ESX1: variants seen among roughly 807,000 people sequenced by gnomAD.
ESX1 encodes homeobox protein ESX1.
Under a neutral mutation model 13.2 loss-of-function variants are expected in ESX1, and 2 were observed. That is an observed-to-expected ratio of 0.15 (90% confidence interval 0.06 to 0.48). ESX1 has a LOEUF of 0.48. Among genes scored for constraint, ESX1 ranks in the 20% least tolerant of loss-of-function variants. The pLI, the probability that ESX1 is intolerant of heterozygous loss-of-function variation, is 0.97. For missense variants in ESX1, 307 were observed against 379.0 expected (o/e 0.81, Z 1.58); for synonymous variants, 157 against 163.1 (o/e 0.96, Z 0.29).
At chrX:104,251,990 A>T (rs1556394455) in intron 3 of ESX1, among the ~76,000 whole-genome samples, 1 of 112,039 alleles carries the variant, frequency 8.9e-6, no homozygotes. Context: ...ATTTTATTCA[A>T]ATTCTTCTTT....
rs1326426903 is a variant in ESX1 at position 104,254,873 on chromosome X, T to C, written c.-24A>G. 2 of 1,147,173 alleles carry C rather than the reference T, an allele frequency of 1.7e-6. No homozygotes were observed. Among genetic ancestry groups the C allele is most frequent in the African/African-American group, 3.6e-5 (2 of 56,158 alleles). 94.5% of individuals were successfully genotyped at this position (1,147,173 alleles called of 1,213,427 possible). On this transcript the variant is annotated 5_prime_UTR_variant, in exon 1 of 4. Transcript: ENST00000372588. ...ATGCTTCAAGCGCTGTCGATAAAGCTGTGCACTTCTGCAGACTCTGTGCGT... is the reference window on the plus strand; with the variant it reads ...ATGCTTCAAGCGCTGTCGATAAAGCCGTGCACTTCTGCAGACTCTGTGCGT...
chrX:104,254,438 A>C lies in ESX1; in HGVS notation c.222T>G (p.Arg74=). Reference sequence around the variant, plus strand: ...CCGGCTCGTGGCCGCCGCCACCCTCACGGTCTTGGTCGTCCGAGGGGACGG... The same window carrying C: ...CCGGCTCGTGGCCGCCGCCACCCTCCCGGTCTTGGTCGTCCGAGGGGACGG... ...EGSVPSDDQD[R]EGGGGHEPEQ... The change falls in exon 2 of 4, where the codon CGT becomes CGG. Residue 74 remains arginine (R), a synonymous_variant. Transcript: ENST00000372588. The C allele has an allele frequency of 1.7e-6, 2 of 1,211,057 alleles. No homozygotes were observed.
chrX:104,254,879 C>T lies in ESX1; in HGVS notation c.-30G>A. ...CAAGCGCTGTCGATAAAGCTGTGCA[C>T]TTCTGCAGACTCTGTGCGTGGTTCC... is the stretch of plus-strand genomic sequence containing the variant. On this transcript the variant is annotated 5_prime_UTR_variant, in exon 1 of 4. In the 5' UTR this introduces an upstream ATG that the reference lacks. Transcript: ENST00000372588. 2 of 1,117,962 alleles carry T rather than the reference C, an allele frequency of 1.8e-6. No individual in the cohort carries two copies. The highest frequency in any genetic ancestry group is 2.5e-6 in the Non-Finnish European group (2 of 811,191). 92.1% of individuals were successfully genotyped at this position (1,117,962 alleles called of 1,213,427 possible).
At position 104,254,796 on chromosome X, in the gene ESX1, T is replaced by A; in HGVS notation, c.54A>T (p.Ala18=). The A allele has an allele frequency of 8.3e-7, 1 of 1,211,167 alleles. No individual in the cohort carries two copies. Residue 18 remains alanine (A), a synonymous_variant, in exon 1 of 4, where the codon GCA becomes GCT. Transcript: ENST00000372588. ...TCACTTCCTCGATGTCCTCGCCGAC[T>A]GCCAGGCTGCGGTAGCCAATATCAC... The part of the protein sequence containing the change: ...THSDIGYRSL[A]VGEDIEEVND...
At position 104,254,349 on chromosome X, in the gene ESX1, A is replaced by G. The variant is rs1331659021; in HGVS notation, c.311T>C (p.Leu104Pro). 3.3e-6 allele frequency: 4 copies of G among 1,209,364 alleles called. No homozygotes were observed. The highest frequency in any genetic ancestry group is 4.5e-6 in the Non-Finnish European group (4 of 894,766). Residue 104 changes from leucine to proline, a missense_variant, in exon 2 of 4, where the codon CTC (leucine) becomes CCC (proline). This residue lies in a region of ESX1 where 152 missense variants were observed against 114.5 expected (regional missense o/e 1.33). Coordinates refer to ENST00000372588, the MANE Select transcript of ESX1 (RefSeq NM_153448.4). ...CTCCTCCTGCTCTTGCTTCAGCTCGAGCAGGGGCGGCTCCTCCTGCTGTTG... is the reference window on the plus strand; with the variant it reads ...CTCCTCCTGCTCTTGCTTCAGCTCGGGCAGGGGCGGCTCCTCCTGCTGTTG... ...PEQQQEEPPL[L>P]ELKQEQEEPP...
Position 104,250,838 on chromosome X carries a change from C to T in ESX1, c.611G>A (p.Arg204Lys). Residue 204 changes from arginine (R) to lysine (K), a missense_variant, in exon 4 of 4, where the codon AGA becomes AAA. Physicochemically the swap from Arg to Lys is conservative, Grantham distance 26. Around this residue, in one of 3 missense-constraint regions of ESX1, gnomAD observed 108 missense variants for 147.5 expected, o/e 0.73. Transcript: ENST00000372588. ...GGCCAGGTCAGCAGTAGCAGTGTTTCTCAACATTAGCACCCTCTGATTTCG... is the reference window on the plus strand; with the variant it reads ...GGCCAGGTCAGCAGTAGCAGTGTTTTTCAACATTAGCACCCTCTGATTTCG... ...WKRNQRVLML[R>K]NTATADLAHP... 1.7e-6 allele frequency: 2 copies of T among 1,211,580 alleles called. No homozygotes were observed.
rs782817824 is a variant in ESX1 at position 104,254,240 on chromosome X, G to A, written c.420C>T (p.Arg140=). ...AEGPQPPERK[R]RRRTAFTQFQ... The stretch of plus-strand genomic sequence containing the variant: ...ACTGCGTGAACGCGGTGCGGCGGCG[G>A]CGTTTCCTCTCTGGGGGCTGTGGTC... Residue 140 remains arginine (R), a synonymous_variant, in exon 2 of 4, where the codon CGC becomes CGT. Transcript: ENST00000372588. The A allele has an allele frequency of 8.2e-7, 1 of 1,212,145 alleles. No homozygotes were observed. Among genetic ancestry groups the A allele is most frequent in the South Asian group, 1.8e-5 (1 of 57,044 alleles).
rs1556395166 is a variant in ESX1 at position 104,254,180 on chromosome X, T to C, written c.480A>G (p.Glu160=). The part of the protein sequence containing the change: ...QLQELENFFD[E]SQYPDVVARE... The stretch of plus-strand genomic sequence containing the variant: ...GCGCCACAACGTCGGGATATTGAGA[T>C]TCATCGAAAAAGTTCTCTAGCTCCT... Residue 160 remains glutamate, a synonymous_variant, in exon 2 of 4, where the codon GAA becomes GAG. Transcript: ENST00000372588. 2.5e-6 allele frequency: 3 copies of C among 1,206,067 alleles called. No individual in the cohort carries two copies. The highest frequency in any genetic ancestry group is 3.4e-6 in the Non-Finnish European group (3 of 892,548).
intron 3 of ESX1, among the ~76,000 whole-genome samples, chrX:104,251,579 C>T (rs1466763542): frequency 8.9e-6 from 1 of 112,070 alleles, no homozygotes; most frequent in Non-Finnish European, 1.9e-5. Context: ...CTAATAAGCC[C>T]ATTCTAACTT....
intron 3 of ESX1, 143 bp from the exon 4 acceptor site, chrX:104,251,039 G>C (rs1243939520): frequency 7.1e-6 from 4 of 561,229 alleles, no homozygotes; most frequent in South Asian, 3.6e-5. Flanking sequence ...AAATATCTTA[G>C]AGGAGTGAGG....
At position 104,252,745 on chromosome X, in the gene ESX1, G is replaced by A. The variant is rs782100934; in HGVS notation, c.552+38C>T. 9 of 1,175,529 alleles carry A rather than the reference G, an allele frequency of 7.7e-6. No individual in the cohort carries two copies. In the South Asian group the frequency reaches 1.4e-4, roughly 19 times the overall value. On this transcript the variant is annotated intron_variant, in intron 3 of 3. Transcript: ENST00000372588. Reference sequence around the variant, plus strand: ...CAAAACCTAAAGCATGCTTTAGAATGGCTGTCCTGCCAAATTGCTTTTTCA... The same window carrying A: ...CAAAACCTAAAGCATGCTTTAGAATAGCTGTCCTGCCAAATTGCTTTTTCA...
At position 104,250,895 on chromosome X, in the gene ESX1, A is replaced by T; in HGVS notation, c.554T>A (p.Val185Asp). Residue 185 changes from valine to aspartate, a missense_variant and splice_region_variant, in exon 4 of 4, where the codon GTT (valine) becomes GAT (aspartate). Val to Asp is a radical substitution (Grantham distance 152). Transcript: ENST00000372588. ...CTTGGCTCTTCTGTTCTGAAACCAAACCTTCAGAGGGGAAAAATGAATTGG... is the reference window on the plus strand; with the variant it reads ...CTTGGCTCTTCTGTTCTGAAACCAATCCTTCAGAGGGGAAAAATGAATTGG... ...RLNLTEDRVQ[V>D]WFQNRRAKWK... 1 of 1,193,418 alleles carries T rather than the reference A, an allele frequency of 8.4e-7. No individual in the cohort carries two copies. Among genetic ancestry groups the T allele is most frequent in the Non-Finnish European group, 1.1e-6 (1 of 884,008 alleles).
At chrX:104,252,918 G>C (rs1186775705) in intron 2 of ESX1, 90 bp from the exon 3 acceptor site, 2 of 842,262 alleles carry the variant, frequency 2.4e-6, no homozygotes, top group Non-Finnish European at 3.5e-6. Context: ...ACTTTGGGAG[G>C]CCGAAGAGGT....
At chrX:104,252,917 G>T in intron 2 of ESX1, 89 bp from the exon 3 acceptor site, 1 of 842,943 alleles carries the variant, frequency 1.2e-6, no homozygotes. Context: ...CACTTTGGGA[G>T]GCCGAAGAGG....
chrX:104,251,537 C>T (rs1175315394), intron 3 of ESX1, among the ~76,000 whole-genome samples: 1 of 111,984 alleles, frequency 8.9e-6, no homozygotes, highest in Non-Finnish European at 1.9e-5. Flanking sequence ...GCAGTTCCAT[C>T]ACTACACTCA....
Position 104,254,448 on chromosome X carries a change from T to C in ESX1, c.212A>G (p.Asp71Gly), listed in dbSNP as rs781951400. 10 of 1,212,253 alleles carry C rather than the reference T, an allele frequency of 8.2e-6. No homozygotes were observed. The South Asian group carries it at 1.4e-4, about 17-fold the overall frequency. Residue 71 changes from aspartate (D) to glycine (G), a missense_variant, in exon 2 of 4, where the codon GAC becomes GGC. This residue lies in a region of ESX1 where 152 missense variants were observed against 114.5 expected (regional missense o/e 1.33). Coordinates refer to ENST00000372588, the MANE Select transcript of ESX1 (RefSeq NM_153448.4). ...VGTEGSVPSDDQDREGGGGHE... is the reference protein window; with the variant it reads ...VGTEGSVPSDGQDREGGGGHE... Reference sequence around the variant, plus strand: ...GCCGCCGCCACCCTCACGGTCTTGGTCGTCCGAGGGGACGGACCCTTCCGT... The same window carrying C: ...GCCGCCGCCACCCTCACGGTCTTGGCCGTCCGAGGGGACGGACCCTTCCGT...
chrX:104,250,614 CGGGTGGCACAGGCGCCAT>C lies in ESX1; in HGVS notation c.817_834del (p.Met273_Pro278del), dbSNP rs1569472762. 8.3e-7 allele frequency: 1 copy of C among 1,199,028 alleles called. No individual in the cohort carries two copies. Among genetic ancestry groups the C allele is most frequent in the Non-Finnish European group, 1.1e-6 (1 of 888,614 alleles). ...GGTGGCACAGGCGCCATGCGTGAGC[CGGGTGGCACAGGCGCCAT>C]GGGTGGCATAGGTGCTATGGGTGGC... On this transcript the variant is annotated inframe_deletion, in exon 4 of 4. Coordinates refer to ENST00000372588, the MANE Select transcript of ESX1 (RefSeq NM_153448.4).
intron 2 of ESX1, among the ~76,000 whole-genome samples, chrX:104,253,676 C>G (rs1263600218): frequency 1.8e-5 from 2 of 110,685 alleles, no homozygotes; most frequent in African/African-American, 6.6e-5. Context: ...CCTGCCCCTT[C>G]GTACACTACG....
intron 3 of ESX1, among the ~76,000 whole-genome samples, chrX:104,251,713 G>A (rs782567723): frequency 4.5e-5 from 5 of 112,151 alleles, no homozygotes; most frequent in African/African-American, 1.6e-4. Flanking sequence ...AAATGAAAAG[G>A]TATTTTAAAT....
Sources: allele counts gnomAD v4.1 joint callset (sites outside exome capture counted in the v4.1 genomes callset), GRCh38; gene constraint gnomAD v4.1.1; regional missense constraint gnomAD v4.1.1; transcripts MANE v1.5; gene names NCBI Gene and HGNC (gene_info 2026-07-23, HGNC 2026-07-21).